COPZ2: variants seen among roughly 807,000 people sequenced by gnomAD.
COPZ2 encodes coat protein complex I subunit zeta 2.
COPZ2 carries 30 observed loss-of-function variants against 33.2 expected under a neutral mutation model. The ratio of observed to expected loss-of-function variants is 0.90; its 90% CI spans 0.68 to 1.23. COPZ2 has a LOEUF of 1.23. Ranked by LOEUF, COPZ2 falls within the 50% of genes most tolerant of loss-of-function variation. COPZ2 has a pLI of 0.00. For missense variants in COPZ2, 263 were observed against 262.4 expected (o/e 1.00, Z -0.02); for synonymous variants, 89 against 102.6 (o/e 0.87, Z 0.80).
intron 1 of COPZ2, 32 bp from the exon 2 acceptor site, chr17:48,036,957 C>G (rs778781438): frequency 3.1e-6 from 5 of 1,593,392 alleles, no homozygotes; most frequent in Non-Finnish European, 2.6e-6. Flanking sequence ...CCGTTTGGCC[C>G]CTGACTCGAG....
the COPZ2 span, chr17:48,047,894 A>G: frequency 6.6e-6 from 1 of 152,208 alleles, no homozygotes; most frequent in African/African-American, 2.4e-5. Context: ...GTCTCACTAG[A>G]CTTTTGCAAG....
intron 6 of COPZ2, among the ~76,000 whole-genome samples, chr17:48,029,582 A>G (rs911802887): frequency 8.1e-5 from 12 of 148,170 alleles, no homozygotes; most frequent in African/African-American, 2.6e-4. Context: ...ATCTTGTTGC[A>G]CTGTTATTTT....
At chr17:48,044,217 T>C in the COPZ2 span, among the ~76,000 whole-genome samples, 36 of 152,114 alleles carry the variant, frequency 2.4e-4, no homozygotes, top group African/African-American at 7.0e-4. Context: ...CGTGGTGGTG[T>C]GCACCTTTAA....
Position 48,036,849 on chromosome 17 carries a change from A to G in COPZ2, c.186+2T>C. Reference sequence around the variant, plus strand: ...TCCCTCATGGGTGGGGTCAGAGGTTACCTTGGCCAGCAGCCGGCGCCCGTC... The same window carrying G: ...TCCCTCATGGGTGGGGTCAGAGGTTGCCTTGGCCAGCAGCCGGCGCCCGTC... On this transcript the variant is annotated splice_donor_variant, in intron 2 of 8. Transcript: ENST00000621465. LOFTEE classifies it high-confidence loss of function. 6.2e-7 allele frequency: 1 copy of G among 1,613,072 alleles called. No homozygotes were observed. The highest frequency in any genetic ancestry group is 8.5e-7 in the Non-Finnish European group (1 of 1,179,676).
chr17:48,041,808 ATTTT>A (rs34673033), upstream of COPZ2, among the ~76,000 whole-genome samples: 57 of 141,974 alleles, frequency 4.0e-4, no homozygotes, highest in African/African-American at 1.1e-3. Context: ...GAGCTAGTCC[ATTTT>A]TTTTTTTTTT....
At chr17:48,040,134 CCACACACA>C (rs777014568), upstream of COPZ2, among the ~76,000 whole-genome samples, 3 of 121,470 alleles carry the variant, frequency 2.5e-5, no homozygotes, top group Admixed American at 1.6e-4. Flanking sequence ...ACCCACCCAC[CCACACACA>C]CACACACACA....
chr17:48,045,530 G>C, the COPZ2 span: 1 of 152,060 alleles, frequency 6.6e-6, no homozygotes, highest in Non-Finnish European at 1.5e-5. Context: ...GGGTGGGGGT[G>C]GGGATTTCCG....
At chr17:48,041,727 G>A (rs1055001819), upstream of COPZ2, among the ~76,000 whole-genome samples, 2 of 151,918 alleles carry the variant, frequency 1.3e-5, no homozygotes, top group Non-Finnish European at 2.9e-5. Flanking sequence ...TTATGTCAAT[G>A]GTCATGCTGG....
At chr17:48,039,746 GTTTT>G (rs1381027582), upstream of COPZ2, among the ~76,000 whole-genome samples, 1 of 152,064 alleles carries the variant, frequency 6.6e-6, no homozygotes, top group Non-Finnish European at 1.5e-5. Flanking sequence ...TTGTTTGTTT[GTTTT>G]TTTGTTTTGA....
chr17:48,032,179 C>A lies in COPZ2; in HGVS notation c.471G>T (p.Val157=). The change falls in exon 6 of 9, where the codon GTG becomes GTT. Residue 157 remains valine (V), a synonymous_variant. Transcript: ENST00000621465. The part of the protein sequence containing the change: ...LLENMDGAFL[V]LDEIVDGGVI... ...ACCCGCCATCCACAATCTCGTCCAGCACCAAGAAGGCTCCGTCCATGTTCT... is the reference window on the plus strand; with the variant it reads ...ACCCGCCATCCACAATCTCGTCCAGAACCAAGAAGGCTCCGTCCATGTTCT... 6.2e-7 allele frequency: 1 copy of A among 1,613,574 alleles called. No individual in the cohort carries two copies.
rs559221467 is a variant in COPZ2, at chr17:48,037,339, G to C, written c.111+328C>G. ...CAGGCCCTGGCCCGGGTAGACTCCAGAAGCATGCCCATCACCCACCGGTGA... is the reference window on the plus strand; with the variant it reads ...CAGGCCCTGGCCCGGGTAGACTCCACAAGCATGCCCATCACCCACCGGTGA... On this transcript the variant is annotated intron_variant, in intron 1 of 8. Coordinates refer to ENST00000621465, the MANE Select transcript of COPZ2 (RefSeq NM_016429.4). The surrounding 1 kb of genome is among the most constrained non-coding windows in gnomAD (Gnocchi z 5.6). 2.0e-4 allele frequency: 80 copies of C among 392,966 alleles called. No individual in the cohort carries two copies. The highest frequency in any genetic ancestry group is 1.6e-3 in the South Asian group (79 of 48,856). 24.3% of individuals were successfully genotyped at this position (392,966 alleles called of 1,614,324 possible).
Position 48,032,041 on chromosome 17 carries a change from C to T in COPZ2, c.494+115G>A, listed in dbSNP as rs988614506. 5 of 790,678 alleles carry T rather than the reference C, an allele frequency of 6.3e-6. No individual in the cohort carries two copies. In the African/African-American group the frequency reaches 8.5e-5, roughly 13 times the overall value. 49.0% of individuals were successfully genotyped at this position (790,678 alleles called of 1,614,324 possible). A position where few individuals can be genotyped will look rare whatever the true frequency, so the allele number is the denominator to read the frequency against. On this transcript the variant is annotated intron_variant, in intron 6 of 8. Transcript: ENST00000621465. ...GGGGAATGGGATCCCTGGGAATATG[C>T]TGGGGGAAGGGAGTGAGAAGTTGGT...
Position 48,036,901 on chromosome 17 carries a change from T to G in COPZ2, c.136A>C (p.Ile46Leu). The G allele has an allele frequency of 6.2e-7, 1 of 1,613,954 alleles. No individual in the cohort carries two copies. Among genetic ancestry groups the G allele is most frequent in the Non-Finnish European group, 8.5e-7 (1 of 1,179,876 alleles). Residue 46 changes from isoleucine to leucine, a missense_variant, in exon 2 of 9, where the codon ATC becomes CTC. Physicochemically the swap from Ile to Leu is conservative, Grantham distance 5. Coordinates refer to ENST00000621465, the MANE Select transcript of COPZ2 (RefSeq NM_016429.4). ...LRLQEPSLYT[I>L]KAVFILDNDG... Reference sequence around the variant, plus strand: ...TTATCTAGGATGAAAACAGCCTTGATGGTGTAGAGGGAAGGTTCCTGCAAC... The same window carrying G: ...TTATCTAGGATGAAAACAGCCTTGAGGGTGTAGAGGGAAGGTTCCTGCAAC...
At chr17:48,029,984 T>A (rs919941882) in intron 6 of COPZ2, among the ~76,000 whole-genome samples, 5 of 147,934 alleles carry the variant, frequency 3.4e-5, no homozygotes, top group Non-Finnish European at 7.5e-5. Flanking sequence ...AAAAATTTTT[T>A]TTTTAAATCT....
chr17:48,047,814 C>A, the COPZ2 span: 4 of 152,264 alleles, frequency 2.6e-5, no homozygotes, highest in Admixed American at 2.6e-4. Flanking sequence ...GCCGCCAGCA[C>A]CCAAGATGGC....
rs1436848757 is a variant in COPZ2, at chr17:48,032,000, G to A, written c.494+156C>T. ...TTCTATCTTCATGAGTGGGGCGCTA[G>A]TAAGGGGAAGGGCTAGGGGAATGGG... On this transcript the variant is annotated intron_variant, in intron 6 of 8. Transcript: ENST00000621465. The A allele has an allele frequency of 1.7e-4, 114 of 653,058 alleles. No individual in the cohort carries two copies. In the Admixed American group the frequency reaches 2.8e-3, roughly 16 times the overall value. The allele number at this position is 653,058 out of a possible 1,614,324, so 40.5% of individuals were successfully genotyped here.
the COPZ2 span, chr17:48,047,355 A>G: frequency 6.6e-6 from 1 of 152,154 alleles, no homozygotes; most frequent in Non-Finnish European, 1.5e-5. Flanking sequence ...CCCAGCAGGC[A>G]GGTTATCCGG....
chr17:48,040,147 C>T (rs74412170), upstream of COPZ2, among the ~76,000 whole-genome samples: 3 of 143,850 alleles, frequency 2.1e-5, 1 homozygote. Flanking sequence ...CACACACACA[C>T]ACACACAAAC....
intron 2 of COPZ2, among the ~76,000 whole-genome samples, chr17:48,036,239 G>A (rs551130459): frequency 9.9e-5 from 15 of 152,260 alleles, no homozygotes; most frequent in South Asian, 2.1e-4. Flanking sequence ...CAAAAAACCC[G>A]AGTTTGCCTG....
Sources: allele counts gnomAD v4.1 joint callset (sites outside exome capture counted in the v4.1 genomes callset), GRCh38; gene constraint gnomAD v4.1.1; non-coding constraint Gnocchi (gnomAD v3.1); transcripts MANE v1.5; gene names NCBI Gene and HGNC (gene_info 2026-07-23, HGNC 2026-07-21).